Variants in COL4A2 observed in about 807,000 individuals in gnomAD.
COL4A2 encodes collagen alpha-2(IV) chain.
In COL4A2, 99 loss-of-function variants were observed where a neutral mutation model predicts 200.2. The ratio of observed to expected loss-of-function variants is 0.49; its 90% confidence interval spans 0.42 to 0.58. The LOEUF is 0.58. Ranked by LOEUF, COL4A2 falls within the 20% of genes least tolerant of loss-of-function variation. COL4A2 has a pLI of 0.00. For synonymous variants in COL4A2, 897 were observed against 900.6 expected (o/e 1.00, Z 0.07); for missense variants, 1,950 against 2,314.1 (o/e 0.84, Z 3.23).
At chr13:110,496,010 G>A (rs1217028070) in intron 40 of COL4A2, among the ~76,000 whole-genome samples, 1 of 152,146 alleles carries the variant, frequency 6.6e-6, no homozygotes, top group African/African-American at 2.4e-5. Context: ...CATTGTGCAT[G>A]AGCCCACAGC....
intron 4 of COL4A2, among the ~76,000 whole-genome samples, chr13:110,385,840 T>TGTGGATAGACCGTGGTTACAGC (rs1878704659): frequency 2.1e-5 from 1 of 47,196 alleles, no homozygotes; most frequent in Non-Finnish European, 4.4e-5. Context: ...GTGGTTACAG[T>TGTGGATAGACCGTGGTTACAGC]GTGTGGATAG....
rs2139491074 is a variant in COL4A2 at position 110,457,454 on chromosome 13, G to A, written c.1432+19G>A. ...TGGAAAGGTAAGAACATCTGGGAGG[G>A]ACGGGATGAGGACAGCCTGGCCTTT... On this transcript the variant is annotated intron_variant, in intron 21 of 47. Coordinates refer to ENST00000360467, the MANE Select transcript of COL4A2 (RefSeq NM_001846.4). 7.0e-7 allele frequency: 1 copy of A among 1,423,472 alleles called. No homozygotes were observed. Among genetic ancestry groups the A allele is most frequent in the Non-Finnish European group, 9.9e-7 (1 of 1,006,238 alleles). The allele number at this position is 1,423,472 out of a possible 1,614,324, so 88.2% of individuals were successfully genotyped here. A position where few individuals can be genotyped will look rare whatever the true frequency, so the allele number is the denominator to read the frequency against.
intron 8 of COL4A2, 163 bp downstream of exon 8, chr13:110,430,119 T>C: frequency 1.3e-6 from 1 of 769,138 alleles, no homozygotes; most frequent in South Asian, 2.9e-5. Context: ...GATCAGGATG[T>C]TTTCAATCTT....
chr13:110,364,607 A>C (rs1410140852), intron 4 of COL4A2, among the ~76,000 whole-genome samples: 1 of 152,226 alleles, frequency 6.6e-6, no homozygotes, highest in African/African-American at 2.4e-5. Flanking sequence ...TGAAGCTCCA[A>C]GTTTCAGAAA....
chr13:110,469,906 C>CTTTT (rs66524559), intron 28 of COL4A2, among the ~76,000 whole-genome samples: 778 of 75,596 alleles, frequency 0.01, 85 homozygotes, highest in African/African-American at 0.034. Flanking sequence ...GCATACACGT[C>CTTTT]TTTTTTTTTT....
Position 110,438,809 on chromosome 13 carries a change from C to CAA in COL4A2, c.912+141_912+142insAA, listed in dbSNP as rs1566533543. On this transcript the variant is annotated intron_variant, in intron 15 of 47. Transcript: ENST00000360467. Reference sequence around the variant, plus strand: ...TTCCCGTTATTACTCCCCACCCCCCCCCACACACACACACAGCAGCCCCCC... The same window carrying CAA: ...TTCCCGTTATTACTCCCCACCCCCCCAACCACACACACACACAGCAGCCCCCC... 3.2e-5 allele frequency: 24 copies of CAA among 753,636 alleles called. No individual in the cohort carries two copies. The African/African-American group carries it at 4.7e-4, about 15-fold the overall frequency. The allele number at this position is 753,636 out of a possible 1,614,324, so 46.7% of individuals were successfully genotyped here.
chr13:110,342,893 C>A (rs1169790455), intron 3 of COL4A2, among the ~76,000 whole-genome samples: 1 of 152,164 alleles, frequency 6.6e-6, no homozygotes, highest in African/African-American at 2.4e-5. Flanking sequence ...TTCTTGCAAA[C>A]ACTCCAGATT....
chr13:110,309,363 G>C (rs1490665408), intron 3 of COL4A2, among the ~76,000 whole-genome samples: 3 of 152,178 alleles, frequency 2.0e-5, no homozygotes, highest in African/African-American at 7.2e-5. Context: ...CCCGACTTAA[G>C]ATCAGAACCT....
intron 4 of COL4A2, among the ~76,000 whole-genome samples, chr13:110,423,040 TC>T (rs11366855): frequency 0.9 from 137,006 of 152,062 alleles, 61,755 homozygotes; most frequent in East Asian, 0.98. Context: ...TGGCTCAAGT[TC>T]CCCCCTCAAT....
At chr13:110,489,325 C>G in intron 34 of COL4A2, 120 bp from the exon 35 acceptor site, 1 of 968,958 alleles carries the variant, frequency 1.0e-6, no homozygotes, top group Non-Finnish European at 1.6e-6. Context: ...CACAAAATGA[C>G]AAGATCACAA....
chr13:110,428,539 G>A lies in COL4A2; in HGVS notation c.433G>A (p.Gly145Ser). ...CTGCAACGGAACCCAGGGAGACTCA[G>A]GTCCACAGGGGCCCCCCGGCTCTGA... ...DGCNGTQGDS[G>S]PQGPPGSEGF... Residue 145 changes from glycine to serine, a missense_variant, in exon 7 of 48, where the codon GGT becomes AGT. Physicochemically the swap from Gly to Ser is moderately conservative, Grantham distance 56. This residue lies in a region of COL4A2 where 565 missense variants were observed against 593.5 expected (regional missense o/e 0.95). Coordinates refer to ENST00000360467, the MANE Select transcript of COL4A2 (RefSeq NM_001846.4). 1 of 1,580,352 alleles carries A rather than the reference G, an allele frequency of 6.3e-7. No homozygotes were observed. The highest frequency in any genetic ancestry group is 8.6e-7 in the Non-Finnish European group (1 of 1,167,862).
intron 3 of COL4A2, among the ~76,000 whole-genome samples, chr13:110,312,551 T>C (rs1221516049): frequency 6.6e-6 from 1 of 152,232 alleles, no homozygotes; most frequent in Non-Finnish European, 1.5e-5. Context: ...GTGTTGATAA[T>C]ATAATGAAGA....
intron 3 of COL4A2, among the ~76,000 whole-genome samples, chr13:110,317,323 GAC>G (rs990399778): frequency 1.3e-5 from 2 of 150,838 alleles, no homozygotes; most frequent in Admixed American, 1.3e-4. Context: ...AATACACAGA[GAC>G]ACACACTTGC....
In COL4A2 at chr13:110,408,784, C is replaced by T. The variant is rs547251338; in HGVS notation, c.181-15950C>T. Among the ~76,000 whole-genome samples the T allele has an allele frequency of 5.5e-5, 8 of 145,678 alleles. No homozygotes were observed. The South Asian group carries it at 1.3e-3, about 24-fold the overall frequency. ...AGAAGACCACAACAGCCACATGACACGCGTACACACACACGCACACATATA... is the reference window on the plus strand; with the variant it reads ...AGAAGACCACAACAGCCACATGACATGCGTACACACACACGCACACATATA... On this transcript the variant is annotated intron_variant, in intron 4 of 47. Transcript: ENST00000360467.
chr13:110,428,058 A>G (rs1880534343), intron 6 of COL4A2, among the ~76,000 whole-genome samples: 1 of 152,162 alleles, frequency 6.6e-6, no homozygotes, highest in East Asian at 1.9e-4. Context: ...AATTTTTAAA[A>G]TGTACCTTTA....
intron 4 of COL4A2, among the ~76,000 whole-genome samples, chr13:110,403,026 C>G (rs1879431709): frequency 6.6e-6 from 1 of 152,200 alleles, no homozygotes; most frequent in African/African-American, 2.4e-5. Flanking sequence ...TGAAATTGTT[C>G]TGGCCCCAGG....
chr13:110,465,496 T>G lies in COL4A2; in HGVS notation c.1868T>G (p.Leu623Arg). The change falls in exon 25 of 48, where the codon CTG (leucine) becomes CGG (arginine). Residue 623 changes from leucine (L) to arginine (R), a missense_variant. This residue lies in a region of COL4A2 where 1,385 missense variants were observed against 1,720.5 expected (regional missense o/e 0.80). Coordinates refer to ENST00000360467, the MANE Select transcript of COL4A2 (RefSeq NM_001846.4). ...CCAGGAGAAATGGGCCCCCCAGGAC[T>G]GGGCCTTCCCGGCCTCAAAGGCCAA... ...GTPGEMGPPG[L>R]GLPGLKGQRG... 1 of 1,614,028 alleles carries G rather than the reference T, an allele frequency of 6.2e-7. No individual in the cohort carries two copies. The highest frequency in any genetic ancestry group is 1.7e-4 in the Middle Eastern group (1 of 6,052).
intron 31 of COL4A2, among the ~76,000 whole-genome samples, chr13:110,480,733 A>C (rs1207315378): frequency 6.6e-6 from 1 of 152,258 alleles, no homozygotes; most frequent in Non-Finnish European, 1.5e-5. Flanking sequence ...ATTCAGATCC[A>C]GAGGTTATTT....
At chr13:110,441,490 G>A (rs1363721303) in intron 16 of COL4A2, among the ~76,000 whole-genome samples, 1 of 152,194 alleles carries the variant, frequency 6.6e-6, no homozygotes, top group Non-Finnish European at 1.5e-5. Context: ...GGGAGCCAAT[G>A]CCAGGCTTTG....
Sources: allele counts gnomAD v4.1 joint callset (sites outside exome capture counted in the v4.1 genomes callset), GRCh38; gene constraint gnomAD v4.1.1; regional missense constraint gnomAD v4.1.1; transcripts MANE v1.5; gene names NCBI Gene and HGNC (gene_info 2026-07-23, HGNC 2026-07-21).